PBX1: variants seen among roughly 807,000 people sequenced by gnomAD.
PBX1 encodes pre-B-cell leukemia transcription factor 1.
PBX1 carries 6 observed loss-of-function variants against 53.4 expected under a neutral mutation model. The observed-to-expected ratio is 0.11, with a 90% CI of 0.06 to 0.22. PBX1 has a LOEUF of 0.22. PBX1 is among the 10% of genes least tolerant of loss of function. The pLI is 1.00. For missense variants in PBX1, 251 were observed against 551.4 expected, an observed-to-expected ratio of 0.46 and a Z score of 5.46; for synonymous variants, 204 against 212.3, an observed-to-expected ratio of 0.96 and a Z score of 0.34.
chr1:164,611,323 C>T (rs1013307757), intron 2 of PBX1, among the ~76,000 whole-genome samples: 3 of 152,134 alleles, frequency 2.0e-5, no homozygotes, highest in African/African-American at 7.2e-5. Flanking sequence ...CTGCAAGCTC[C>T]GCCTCCCGGG....
At chr1:164,660,166 T>A (rs1331267765) in intron 2 of PBX1, among the ~76,000 whole-genome samples, 1 of 152,192 alleles carries the variant, frequency 6.6e-6, no homozygotes, top group African/African-American at 2.4e-5. Context: ...GTTTTCTGAG[T>A]GAGCCAAGTA....
chr1:164,643,924 A>G (rs893954547), intron 2 of PBX1, among the ~76,000 whole-genome samples: 1 of 152,156 alleles, frequency 6.6e-6, no homozygotes, highest in Non-Finnish European at 1.5e-5. Context: ...CCTGATAACC[A>G]TTGGGAGCAG....
chr1:164,705,308 A>C (rs1295736344), intron 2 of PBX1, among the ~76,000 whole-genome samples: 2 of 152,222 alleles, frequency 1.3e-5, no homozygotes, highest in Non-Finnish European at 2.9e-5. Flanking sequence ...ACTGTAAATA[A>C]ATAATATAGG....
chr1:164,575,340 T>A (rs1437196853), intron 2 of PBX1, among the ~76,000 whole-genome samples: 3 of 152,216 alleles, frequency 2.0e-5, no homozygotes, highest in Non-Finnish European at 4.4e-5. Flanking sequence ...GTGAGGATAT[T>A]TAGAAAGATG....
At chr1:164,578,953 C>T (rs1191333433) in intron 2 of PBX1, among the ~76,000 whole-genome samples, 2 of 150,002 alleles carry the variant, frequency 1.3e-5, no homozygotes, top group South Asian at 2.1e-4. Context: ...CACCCCTCCA[C>T]GCCCTCCCCG....
chr1:164,822,144 G>A lies in PBX1; in HGVS notation c.1200+518G>A, dbSNP rs182773807. ...CCATCTTCTACTTGTTCTTGGGTAC[G>A]CTGGCGGCTCCTGACTAGCATGAAA... On this transcript the variant is annotated intron_variant, in intron 8 of 8. Coordinates refer to ENST00000420696, the MANE Select transcript of PBX1 (RefSeq NM_002585.4). 1.5e-3 allele frequency among the ~76,000 whole-genome samples: 231 copies of A among 152,218 alleles called. 2 individuals carry two copies. The highest frequency in any genetic ancestry group is 5.0e-3 in the African/African-American group (209 of 41,534).
At chr1:164,759,447 G>A (rs1666697518) in intron 2 of PBX1, among the ~76,000 whole-genome samples, 1 of 152,144 alleles carries the variant, frequency 6.6e-6, no homozygotes, top group Admixed American at 6.5e-5. Flanking sequence ...TTGCACCCCG[G>A]GTGACACAGA....
intron 2 of PBX1, among the ~76,000 whole-genome samples, chr1:164,620,911 G>A (rs182499379): frequency 6.6e-6 from 1 of 152,060 alleles, no homozygotes; most frequent in Non-Finnish European, 1.5e-5. Flanking sequence ...TTGAACTCCT[G>A]ACCTCAGGTG....
chr1:164,607,818 C>T (rs1656661806), intron 2 of PBX1, among the ~76,000 whole-genome samples: 6 of 152,156 alleles, frequency 3.9e-5, no homozygotes, highest in Admixed American at 3.9e-4. Context: ...GGAGTAGCAT[C>T]TTAAAAGCCA....
rs1406940144 is a variant in PBX1, at chr1:164,848,735, T to G, written c.*2059T>G. The G allele has an allele frequency of 2.2e-5, 23 of 1,058,292 alleles. No individual in the cohort carries two copies. The highest frequency in any genetic ancestry group is 2.5e-5 in the Non-Finnish European group (22 of 874,928). The allele number at this position is 1,058,292 out of a possible 1,614,324, so 65.6% of individuals were successfully genotyped here. ...CTGTCACATTGACTGCTTGGGAGGCTTCCAGGGAGAAGTATGAGACCCTGA... is the reference window on the plus strand; with the variant it reads ...CTGTCACATTGACTGCTTGGGAGGCGTCCAGGGAGAAGTATGAGACCCTGA... On this transcript the variant is annotated 3_prime_UTR_variant, in exon 9 of 9. Transcript: ENST00000420696.
chr1:164,794,204 CAGAGAA>C (rs553693930), intron 3 of PBX1, among the ~76,000 whole-genome samples: 33 of 152,020 alleles, frequency 2.2e-4, no homozygotes, highest in Non-Finnish European at 4.7e-4. Flanking sequence ...AAAAAGAAGA[CAGAGAA>C]AAAGTGGAAG....
At chr1:164,743,106 C>T (rs930764298) in intron 2 of PBX1, among the ~76,000 whole-genome samples, 2 of 152,144 alleles carry the variant, frequency 1.3e-5, no homozygotes, top group Non-Finnish European at 2.9e-5. Context: ...CCCAGCTAGC[C>T]TAAAGGGGGT....
intron 2 of PBX1, among the ~76,000 whole-genome samples, chr1:164,658,005 T>C (rs569903126): frequency 6.6e-6 from 1 of 152,244 alleles, no homozygotes; most frequent in Non-Finnish European, 1.5e-5. Flanking sequence ...GGCATTCGTG[T>C]CCCACTGTCA....
At chr1:164,643,892 A>G (rs1442910130) in intron 2 of PBX1, among the ~76,000 whole-genome samples, 7 of 152,186 alleles carry the variant, frequency 4.6e-5, no homozygotes, top group African/African-American at 1.7e-4. Flanking sequence ...GAAGACTCTT[A>G]TGTAGGTTAT....
intron 2 of PBX1, among the ~76,000 whole-genome samples, chr1:164,766,711 C>T (rs1336082473): frequency 1.3e-5 from 2 of 150,112 alleles, no homozygotes; most frequent in African/African-American, 2.4e-5. Context: ...TCTTTTCTTT[C>T]CTTTTCTTTT....
chr1:164,591,459 AAGG>A (rs1655375371), intron 2 of PBX1, among the ~76,000 whole-genome samples: 1 of 152,196 alleles, frequency 6.6e-6, no homozygotes, highest in Non-Finnish European at 1.5e-5. Context: ...CCCATGAAAA[AAGG>A]AGCTCTGTAA....
intron 2 of PBX1, among the ~76,000 whole-genome samples, chr1:164,664,320 T>C (rs1660680851): frequency 1.3e-5 from 2 of 152,198 alleles, no homozygotes; most frequent in Non-Finnish European, 2.9e-5. Context: ...GTTTTTTAGT[T>C]GGTGTCCCTC....
chr1:164,611,306 C>T lies in PBX1; in HGVS notation c.265+47995C>T, dbSNP rs547479492. 3.9e-5 allele frequency among the ~76,000 whole-genome samples: 6 copies of T among 152,238 alleles called. No individual in the cohort carries two copies. In the East Asian group the frequency reaches 9.7e-4, roughly 25 times the overall value. ...AGGCTAGAGTGCAGTGGCGCAATCT[C>T]GGCTCACTGCAAGCTCCGCCTCCCG... On this transcript the variant is annotated intron_variant, in intron 2 of 8. Coordinates refer to ENST00000420696, the MANE Select transcript of PBX1 (RefSeq NM_002585.4).
At chr1:164,584,984 A>G (rs554845738) in intron 2 of PBX1, among the ~76,000 whole-genome samples, 5 of 152,338 alleles carry the variant, frequency 3.3e-5, no homozygotes, top group African/African-American at 1.2e-4. Flanking sequence ...AAATACTAGA[A>G]AAGGACTCTT....
Sources: allele counts gnomAD v4.1 joint callset (sites outside exome capture counted in the v4.1 genomes callset), GRCh38; gene constraint gnomAD v4.1.1; transcripts MANE v1.5; gene names NCBI Gene and HGNC (gene_info 2026-07-23, HGNC 2026-07-21).